The following FAM227B variants were observed in gnomAD, a reference collection of about 807,000 sequenced individuals.
The protein encoded by FAM227B is family with sequence similarity 227 member B, also known as protein FAM227B.
A neutral mutation model predicts 73.8 loss-of-function variants in FAM227B; 88 were observed. The ratio of observed to expected loss-of-function variants is 1.19; its 90% CI spans 1.00 to 1.42. FAM227B has a LOEUF of 1.42. Ranked by LOEUF, FAM227B falls within the 40% of genes most tolerant of loss-of-function variation. The probability of loss-of-function intolerance (pLI) is 0.00; values close to 1 mark genes in which losing one functional copy is unlikely to be tolerated. For synonymous variants in FAM227B, 210 were observed against 190.5 expected (o/e 1.10, Z -0.84); for missense variants, 632 against 590.9 (o/e 1.07, Z -0.72).
intron 11 of FAM227B, among the ~76,000 whole-genome samples, chr15:49,377,823 G>A (rs1238067279): frequency 6.6e-6 from 1 of 152,062 alleles, no homozygotes; most frequent in African/African-American, 2.4e-5. Flanking sequence ...TCTTCACTTT[G>A]TTGATTGTAT....
intron 5 of FAM227B, among the ~76,000 whole-genome samples, chr15:49,580,354 C>T (rs1426240899): frequency 6.6e-6 from 1 of 152,164 alleles, no homozygotes; most frequent in Non-Finnish European, 1.5e-5. Context: ...TCTACTGAAT[C>T]ACATCCCAAA....
intron 11 of FAM227B, among the ~76,000 whole-genome samples, chr15:49,507,564 T>C (rs2152112351): frequency 6.6e-6 from 1 of 152,158 alleles, no homozygotes; most frequent in East Asian, 1.9e-4. Flanking sequence ...AGGAGAGAAA[T>C]AAACTCGCCT....
chr15:49,462,761 T>C (rs2053921810), intron 11 of FAM227B, among the ~76,000 whole-genome samples: 2 of 152,212 alleles, frequency 1.3e-5, no homozygotes, highest in East Asian at 1.9e-4. Context: ...AGATATGATA[T>C]ATCAGATTAT....
At chr15:49,394,692 G>T (rs2047449536) in intron 11 of FAM227B, among the ~76,000 whole-genome samples, 1 of 152,100 alleles carries the variant, frequency 6.6e-6, no homozygotes, top group Non-Finnish European at 1.5e-5. Flanking sequence ...AGTTGAAGGT[G>T]AGTGCAAATA....
intron 5 of FAM227B, among the ~76,000 whole-genome samples, chr15:49,586,536 A>G (rs923521427): frequency 6.6e-6 from 1 of 152,206 alleles, no homozygotes; most frequent in Non-Finnish European, 1.5e-5. Flanking sequence ...AAAAATGACA[A>G]ATAGGATCCA....
At chr15:49,445,243 A>G (rs2052078523) in intron 11 of FAM227B, among the ~76,000 whole-genome samples, 1 of 151,600 alleles carries the variant, frequency 6.6e-6, no homozygotes, top group Non-Finnish European at 1.5e-5. Flanking sequence ...ATAGTACCCA[A>G]TAGTTAAGTT....
chr15:49,430,368 T>C (rs1170889269), intron 11 of FAM227B, among the ~76,000 whole-genome samples: 1 of 151,780 alleles, frequency 6.6e-6, no homozygotes, highest in Non-Finnish European at 1.5e-5. Flanking sequence ...CTTATGACTA[T>C]GAACTCAGAT....
At chr15:49,456,304 A>G (rs955881010) in intron 11 of FAM227B, among the ~76,000 whole-genome samples, 3 of 152,094 alleles carry the variant, frequency 2.0e-5, no homozygotes, top group African/African-American at 7.2e-5. Flanking sequence ...AGAAGTACAA[A>G]GTGCAGAGTT....
intron 5 of FAM227B, among the ~76,000 whole-genome samples, chr15:49,585,186 AAAC>A (rs1297132098): frequency 6.6e-6 from 1 of 152,054 alleles, no homozygotes; most frequent in Non-Finnish European, 1.5e-5. Context: ...AAAAGTCAGG[AAAC>A]AACAGGTGCT....
intron 13 of FAM227B, among the ~76,000 whole-genome samples, chr15:49,358,935 A>T (rs1056851023): frequency 2.1e-5 from 3 of 146,098 alleles, no homozygotes; most frequent in Non-Finnish European, 3.1e-5. Context: ...ATAACGCCGC[A>T]TATCTACAAC....
At chr15:49,456,296 A>T (rs753409465) in intron 11 of FAM227B, among the ~76,000 whole-genome samples, 10 of 152,104 alleles carry the variant, frequency 6.6e-5, no homozygotes, top group Non-Finnish European at 1.2e-4. Context: ...TTTGTGAAAG[A>T]AGTACAAAGT....
At chr15:49,397,208 C>T (rs1034647330) in intron 11 of FAM227B, among the ~76,000 whole-genome samples, 1 of 152,056 alleles carries the variant, frequency 6.6e-6, no homozygotes, top group African/African-American at 2.4e-5. Context: ...ATGCAGAAGC[C>T]TCAGGAGCCG....
intron 3 of FAM227B, among the ~76,000 whole-genome samples, chr15:49,610,143 TA>T (rs1474471628): frequency 6.6e-6 from 1 of 152,020 alleles, no homozygotes; most frequent in East Asian, 1.9e-4. Flanking sequence ...TAGAATTTTT[TA>T]TTTAAAATCC....
At chr15:49,354,297 C>A (rs903498951) in intron 13 of FAM227B, among the ~76,000 whole-genome samples, 2 of 152,200 alleles carry the variant, frequency 1.3e-5, no homozygotes, top group African/African-American at 4.8e-5. Context: ...GTGAGCGACG[C>A]AGAAGACGGG....
Position 49,508,193 on chromosome 15 carries a change from T to C in FAM227B, c.1012+18A>G. ...TTGCTACCTATTCCATTTGGCAGTA[T>C]ACAGAAACTTTACTTACTAGTTGAT... On this transcript the variant is annotated intron_variant, in intron 11 of 15. Transcript: ENST00000299338. 3.1e-6 allele frequency: 5 copies of C among 1,600,698 alleles called. No individual in the cohort carries two copies. The highest frequency in any genetic ancestry group is 4.3e-6 in the Non-Finnish European group (5 of 1,175,474).
At chr15:49,476,217 GT>G (rs938833498) in intron 11 of FAM227B, among the ~76,000 whole-genome samples, 3 of 100,564 alleles carry the variant, frequency 3.0e-5, no homozygotes, top group East Asian at 3.0e-4. Flanking sequence ...TTGCTGTTTT[GT>G]TTTTTTGTTT....
intron 13 of FAM227B, among the ~76,000 whole-genome samples, 161 bp from the exon 14 acceptor site, chr15:49,335,657 G>T (rs1196013185): frequency 6.6e-6 from 1 of 152,106 alleles, no homozygotes; most frequent in Non-Finnish European, 1.5e-5. Context: ...TACACTCAGA[G>T]GACTGAAAGA....
chr15:49,513,637 T>C (rs2059172434), intron 10 of FAM227B, among the ~76,000 whole-genome samples: 1 of 152,362 alleles, frequency 6.6e-6, no homozygotes, highest in South Asian at 2.1e-4. Flanking sequence ...TTTGTTGCAA[T>C]TGCTTTTGGC....
At chr15:49,579,517 C>G (rs2075677772) in intron 5 of FAM227B, among the ~76,000 whole-genome samples, 1 of 152,102 alleles carries the variant, frequency 6.6e-6, no homozygotes, top group Non-Finnish European at 1.5e-5. Flanking sequence ...TGGAGGTTGT[C>G]TGTTAAGTGA....
Sources: allele counts gnomAD v4.1 joint callset (sites outside exome capture counted in the v4.1 genomes callset), GRCh38; gene constraint gnomAD v4.1.1; transcripts MANE v1.5; gene names NCBI Gene and HGNC (gene_info 2026-07-23, HGNC 2026-07-21).